The following TMEM132B variants were observed in gnomAD, a reference collection of about 807,000 sequenced individuals.
TMEM132B encodes transmembrane protein 132B.
A neutral mutation model predicts 90.8 loss-of-function variants in TMEM132B; 18 were observed. The observed-to-expected ratio is 0.20, with a 90% CI of 0.14 to 0.29. TMEM132B has a LOEUF of 0.29. TMEM132B is among the 10% of genes least tolerant of loss of function. TMEM132B has a pLI of 1.00. For missense variants in TMEM132B, 1,096 were observed against 1,326.8 expected, an observed-to-expected ratio of 0.83 and a Z score of 2.70; for synonymous variants, 504 against 523.3, an observed-to-expected ratio of 0.96 and a Z score of 0.50.
chr12:125,316,505 T>C (rs1357632254), intron 1 of TMEM132B, among the ~76,000 whole-genome samples: 1 of 112,100 alleles, frequency 8.9e-6, no homozygotes, highest in Non-Finnish European at 1.8e-5. Flanking sequence ...ATTTTAAATG[T>C]AGAGAAAAGC....
At chr12:125,346,026 CT>C (rs986036506) in intron 1 of TMEM132B, among the ~76,000 whole-genome samples, 3 of 152,188 alleles carry the variant, frequency 2.0e-5, no homozygotes, top group African/African-American at 7.2e-5. Flanking sequence ...TTGTTGCAAT[CT>C]GGTTTGAGGA....
At chr12:125,217,315 C>G (rs1873459978) in intron 1 of TMEM132B, among the ~76,000 whole-genome samples, 1 of 152,184 alleles carries the variant, frequency 6.6e-6, no homozygotes, top group Non-Finnish European at 1.5e-5. Context: ...ACTCACTCTC[C>G]TCTCTGAGCC....
At chr12:125,284,035 G>A (rs1875275324) in intron 1 of TMEM132B, among the ~76,000 whole-genome samples, 1 of 152,210 alleles carries the variant, frequency 6.6e-6, no homozygotes, top group African/African-American at 2.4e-5. Context: ...TTCTACCCCA[G>A]GATGGCCAGA....
At chr12:125,259,220 C>T (rs1024239713) in intron 1 of TMEM132B, among the ~76,000 whole-genome samples, 3 of 152,164 alleles carry the variant, frequency 2.0e-5, no homozygotes, top group South Asian at 2.1e-4. Flanking sequence ...TGCTTTGTCT[C>T]CCCCACTAGA....
At chr12:125,371,345 C>T (rs1004534999) in intron 2 of TMEM132B, among the ~76,000 whole-genome samples, 6 of 152,160 alleles carry the variant, frequency 3.9e-5, no homozygotes, top group South Asian at 4.1e-4. Context: ...ATCAAGTTGA[C>T]GCTTAATATT....
At chr12:125,563,147 G>GTAA (rs143547141) in intron 4 of TMEM132B, among the ~76,000 whole-genome samples, 18,150 of 138,100 alleles carry the variant, frequency 0.13, 1,445 homozygotes, top group East Asian at 0.28. Flanking sequence ...ACCATAATGC[G>GTAA]TAATAATAAT....
At chr12:125,324,927 C>T (rs1404581309) in intron 1 of TMEM132B, among the ~76,000 whole-genome samples, 2 of 152,134 alleles carry the variant, frequency 1.3e-5, no homozygotes, top group Admixed American at 1.3e-4. Flanking sequence ...GGAAAACAGT[C>T]CAACTTCAAC....
At chr12:125,576,901 G>T (rs377029674) in intron 4 of TMEM132B, among the ~76,000 whole-genome samples, 2 of 151,166 alleles carry the variant, frequency 1.3e-5, no homozygotes, top group East Asian at 3.9e-4. Flanking sequence ...TGGCAGGGGG[G>T]TGGGGTTGGC....
intron 1 of TMEM132B, among the ~76,000 whole-genome samples, chr12:125,289,893 T>C (rs970349028): frequency 6.6e-6 from 1 of 152,204 alleles, no homozygotes; most frequent in African/African-American, 2.4e-5. Context: ...GTCCTCACCT[T>C]GGGAAGGTTT....
intron 1 of TMEM132B, among the ~76,000 whole-genome samples, chr12:125,295,765 C>T (rs1168093528): frequency 2.0e-5 from 3 of 152,070 alleles, no homozygotes; most frequent in Non-Finnish European, 4.4e-5. Flanking sequence ...GGTGGCTGGG[C>T]CTTGGGCAAG....
chr12:125,568,081 A>G (rs534855976), intron 4 of TMEM132B, among the ~76,000 whole-genome samples: 1 of 151,858 alleles, frequency 6.6e-6, no homozygotes, highest in East Asian at 1.9e-4. Context: ...CCAGCACCCC[A>G]TCTTTCTAAC....
chr12:125,257,707 C>T (rs553887338), intron 1 of TMEM132B, among the ~76,000 whole-genome samples: 1 of 151,874 alleles, frequency 6.6e-6, no homozygotes, highest in Admixed American at 6.6e-5. Flanking sequence ...CTGGGTGGGC[C>T]CTAAATGTAG....
At chr12:125,244,423 C>T (rs1256244417) in intron 1 of TMEM132B, among the ~76,000 whole-genome samples, 1 of 152,162 alleles carries the variant, frequency 6.6e-6, no homozygotes, top group African/African-American at 2.4e-5. Flanking sequence ...CAGTGCTGGC[C>T]CCTCAGGGAG....
chr12:125,470,241 T>C (rs1372769019), intron 3 of TMEM132B, among the ~76,000 whole-genome samples: 1 of 152,136 alleles, frequency 6.6e-6, no homozygotes, highest in Non-Finnish European at 1.5e-5. Context: ...TGAGCTAAGC[T>C]AAGGCCCACT....
chr12:125,439,216 GGAAGAGCATT>G (rs1457943782), intron 3 of TMEM132B, among the ~76,000 whole-genome samples: 1 of 151,890 alleles, frequency 6.6e-6, no homozygotes, highest in East Asian at 1.9e-4. Context: ...TGGTTTGATA[GGAAGAGCATT>G]GAATAGCATT....
chr12:125,297,906 TC>T (rs1027392962), intron 1 of TMEM132B, among the ~76,000 whole-genome samples: 1 of 152,174 alleles, frequency 6.6e-6, no homozygotes, highest in Non-Finnish European at 1.5e-5. Flanking sequence ...TTATCCACGC[TC>T]CTTTCTCCGC....
chr12:125,622,560 T>TCG, intron 5 of TMEM132B: 1 of 985,414 alleles, frequency 1.0e-6, no homozygotes, highest in Non-Finnish European at 1.2e-6. Flanking sequence ...CAAGCCTTCC[T>TCG]CGGTGACTTG....
At chr12:125,402,628 C>T (rs573855776) in intron 2 of TMEM132B, among the ~76,000 whole-genome samples, 1 of 152,326 alleles carries the variant, frequency 6.6e-6, no homozygotes, top group South Asian at 2.1e-4. Flanking sequence ...TTATAGTTGG[C>T]AGTCAGCAGA....
chr12:125,320,758 TG>T (rs1235822657), intron 1 of TMEM132B, among the ~76,000 whole-genome samples: 2 of 152,190 alleles, frequency 1.3e-5, no homozygotes, highest in South Asian at 2.1e-4. Context: ...GAAAATGCAC[TG>T]GGGTCAGGCT....
Sources: allele counts gnomAD v4.1 joint callset (sites outside exome capture counted in the v4.1 genomes callset), GRCh38; gene constraint gnomAD v4.1.1; transcripts MANE v1.5; gene names NCBI Gene and HGNC (gene_info 2026-07-23, HGNC 2026-07-21).